Variants in NKAIN2 observed in about 807,000 individuals in gnomAD.
NKAIN2 encodes the protein sodium/potassium transporting ATPase interacting 2.
NKAIN2 carries 14 observed loss-of-function variants against 32.6 expected under a neutral mutation model. The observed-to-expected ratio is 0.43, with a 90% CI of 0.28 to 0.67. NKAIN2 has a LOEUF of 0.67. NKAIN2 is among the 30% of genes least tolerant of loss of function. NKAIN2 has a pLI of 0.17. For missense variants in NKAIN2, 198 were observed against 258.3 expected, an observed-to-expected ratio of 0.77 and a Z score of 1.60; for synonymous variants, 80 against 87.2, an observed-to-expected ratio of 0.92 and a Z score of 0.46.
intron 5 of NKAIN2, among the ~76,000 whole-genome samples, chr6:124,811,210 T>C (rs921621238): frequency 1.3e-5 from 2 of 152,178 alleles, no homozygotes; most frequent in Admixed American, 6.6e-5. Context: ...TCAAATACTT[T>C]AGTGTCTTTC....
chr6:124,104,444 A>T (rs1339779706), intron 1 of NKAIN2, among the ~76,000 whole-genome samples: 1 of 152,138 alleles, frequency 6.6e-6, no homozygotes, highest in Non-Finnish European at 1.5e-5. Context: ...GTATATTTTT[A>T]TGTTATAGCA....
At chr6:124,694,738 C>T (rs1242115599) in intron 4 of NKAIN2, among the ~76,000 whole-genome samples, 2 of 152,038 alleles carry the variant, frequency 1.3e-5, no homozygotes, top group South Asian at 4.1e-4. Context: ...TAGCTGGAAG[C>T]CATAGTTTAA....
intron 4 of NKAIN2, among the ~76,000 whole-genome samples, chr6:124,756,781 C>A (rs1267622587): frequency 6.6e-6 from 1 of 151,854 alleles, no homozygotes; most frequent in Non-Finnish European, 1.5e-5. Flanking sequence ...CTATTGAAAA[C>A]CCCTCCTTCC....
intron 2 of NKAIN2, among the ~76,000 whole-genome samples, chr6:124,322,971 A>G (rs1298165111): frequency 6.6e-6 from 1 of 152,166 alleles, no homozygotes; most frequent in East Asian, 1.9e-4. Context: ...AGCTGTTCCA[A>G]TAATTATGTA....
At chr6:124,282,978 T>C in intron 1 of NKAIN2, 27 bp from the exon 2 acceptor site, 1 of 1,611,198 alleles carries the variant, frequency 6.2e-7, no homozygotes, top group East Asian at 2.2e-5. Context: ...CACATGCTGA[T>C]CTGTCCATCC....
intron 1 of NKAIN2, among the ~76,000 whole-genome samples, chr6:124,119,806 G>A (rs1380844971): frequency 1.3e-5 from 2 of 152,214 alleles, no homozygotes; most frequent in Non-Finnish European, 2.9e-5. Context: ...CTGTCACCCT[G>A]GAGCTCAGAC....
chr6:124,055,103 T>G (rs1020719222), intron 1 of NKAIN2, among the ~76,000 whole-genome samples: 4 of 152,090 alleles, frequency 2.6e-5, no homozygotes, highest in African/African-American at 9.7e-5. Context: ...ATTGCTCATA[T>G]TTTAAATATC....
intron 4 of NKAIN2, among the ~76,000 whole-genome samples, chr6:124,780,112 A>C (rs778857192): frequency 1.7e-4 from 26 of 152,174 alleles, no homozygotes; most frequent in Non-Finnish European, 3.4e-4. Context: ...TATTGTATGA[A>C]GTTCAAGACC....
chr6:124,245,065 A>G (rs1793323536), intron 1 of NKAIN2, among the ~76,000 whole-genome samples: 1 of 152,080 alleles, frequency 6.6e-6, no homozygotes, highest in African/African-American at 2.4e-5. Flanking sequence ...TTAGAGAGAG[A>G]TAAGCTGGTG....
intron 1 of NKAIN2, among the ~76,000 whole-genome samples, chr6:124,116,021 T>G (rs186701951): frequency 7.2e-5 from 11 of 152,136 alleles, no homozygotes; most frequent in African/African-American, 1.4e-4. Flanking sequence ...ATATTATATT[T>G]TATTATAGTT....
At chr6:124,270,535 A>G (rs1794711303) in intron 1 of NKAIN2, among the ~76,000 whole-genome samples, 1 of 152,194 alleles carries the variant, frequency 6.6e-6, no homozygotes, top group African/African-American at 2.4e-5. Flanking sequence ...TTTCTAGAGA[A>G]AGTCATTTGC....
At position 124,457,739 on chromosome 6, in the gene NKAIN2, G is replaced by A. The variant is rs555757349; in HGVS notation, c.273+102392G>A. On this transcript the variant is annotated intron_variant, in intron 3 of 6. Transcript: ENST00000368417. ...TCTCATGATGGCCCCACATACTCACGTATTCATTCAAAGTGTTATTACTTC... is the reference window on the plus strand; with the variant it reads ...TCTCATGATGGCCCCACATACTCACATATTCATTCAAAGTGTTATTACTTC... 4.6e-5 allele frequency among the ~76,000 whole-genome samples: 7 copies of A among 151,974 alleles called. No homozygotes were observed. The South Asian group carries it at 1.0e-3, about 23-fold the overall frequency.
At chr6:124,708,033 G>A (rs1775197035) in intron 4 of NKAIN2, among the ~76,000 whole-genome samples, 1 of 148,186 alleles carries the variant, frequency 6.7e-6, no homozygotes, top group South Asian at 2.2e-4. Flanking sequence ...GTGTAAGGAA[G>A]GGATCCAGTT....
chr6:124,096,682 A>G (rs234475), intron 1 of NKAIN2, among the ~76,000 whole-genome samples: 108,944 of 151,406 alleles, frequency 0.72, 39,482 homozygotes, highest in African/African-American at 0.81. Flanking sequence ...GTGAAACCCC[A>G]TCTCTACTAA....
At chr6:124,463,882 T>A (rs1776635089) in intron 3 of NKAIN2, among the ~76,000 whole-genome samples, 1 of 152,152 alleles carries the variant, frequency 6.6e-6, no homozygotes, top group Admixed American at 6.6e-5. Flanking sequence ...CAATCCAAAA[T>A]ATGATCTTTA....
At chr6:123,867,539 GT>G (rs1263468174) in intron 1 of NKAIN2, among the ~76,000 whole-genome samples, 2 of 152,178 alleles carry the variant, frequency 1.3e-5, no homozygotes, top group Non-Finnish European at 2.9e-5. Flanking sequence ...CAATATTGTT[GT>G]ATTAAATGAA....
At chr6:123,898,204 T>TA (rs1774377446) in intron 1 of NKAIN2, among the ~76,000 whole-genome samples, 1 of 152,208 alleles carries the variant, frequency 6.6e-6, no homozygotes, top group Admixed American at 6.5e-5. Flanking sequence ...TTCACAGCCA[T>TA]ATCATCTTGA....
chr6:124,408,204 G>A (rs548477352), intron 3 of NKAIN2, among the ~76,000 whole-genome samples: 1 of 152,124 alleles, frequency 6.6e-6, no homozygotes, highest in East Asian at 1.9e-4. Context: ...AGTTTAATTA[G>A]ATCCCATTTG....
intron 1 of NKAIN2, among the ~76,000 whole-genome samples, chr6:124,002,821 A>G (rs965268993): frequency 6.6e-6 from 1 of 152,218 alleles, no homozygotes; most frequent in Non-Finnish European, 1.5e-5. Flanking sequence ...AACGCTGAGC[A>G]TGTGCTTTGC....
Sources: allele counts gnomAD v4.1 joint callset (sites outside exome capture counted in the v4.1 genomes callset), GRCh38; gene constraint gnomAD v4.1.1; transcripts MANE v1.5; gene names NCBI Gene and HGNC (gene_info 2026-07-23, HGNC 2026-07-21).